The following MYO6 variants were observed in gnomAD, a reference collection of about 807,000 sequenced individuals.
MYO6 encodes unconventional myosin-VI.
A neutral mutation model predicts 178.7 loss-of-function variants in MYO6; 74 were observed. The observed-to-expected ratio is 0.41, with a 90% CI of 0.34 to 0.50. The LOEUF (loss-of-function observed/expected upper bound fraction) is 0.50. Among genes scored for constraint, MYO6 ranks in the 20% least tolerant of loss-of-function variants. The pLI is 0.09. For missense variants in MYO6, 1,330 were observed against 1,547.4 expected (o/e 0.86, Z 2.36); for synonymous variants, 477 against 504.6 (o/e 0.95, Z 0.73).
intron 7 of MYO6, among the ~76,000 whole-genome samples, chr6:75,840,355 G>A (rs1583241622): frequency 6.6e-6 from 1 of 151,850 alleles, no homozygotes; most frequent in South Asian, 2.1e-4. Flanking sequence ...TAGAGACGGG[G>A]TTTCATCATC....
At chr6:75,905,412 TCTC>T (rs1397855230) in intron 30 of MYO6, among the ~76,000 whole-genome samples, 1 of 152,128 alleles carries the variant, frequency 6.6e-6, no homozygotes, top group Non-Finnish European at 1.5e-5. Context: ...CGGGATATAA[TCTC>T]CTGGTGCGCC....
At chr6:75,796,848 GT>G (rs1768887172) in intron 1 of MYO6, among the ~76,000 whole-genome samples, 1 of 152,036 alleles carries the variant, frequency 6.6e-6, no homozygotes, top group African/African-American at 2.4e-5. Context: ...TTGGTTTTCT[GT>G]TCCTGTGTTA....
intron 1 of MYO6, among the ~76,000 whole-genome samples, chr6:75,801,970 T>C (rs2150119864): frequency 6.6e-6 from 1 of 152,206 alleles, no homozygotes; most frequent in East Asian, 1.9e-4. Flanking sequence ...TCTCATCTTA[T>C]AGAATATCTG....
intron 11 of MYO6, among the ~76,000 whole-genome samples, chr6:75,852,278 A>T (rs1386814856): frequency 1.1e-4 from 16 of 152,222 alleles, no homozygotes; most frequent in Non-Finnish European, 2.9e-5. Flanking sequence ...AGTAATAAGC[A>T]CATTTTCATA....
intron 2 of MYO6, among the ~76,000 whole-genome samples, chr6:75,821,912 G>A (rs1021117591): frequency 2.0e-5 from 3 of 152,044 alleles, no homozygotes; most frequent in Non-Finnish European, 4.4e-5. Context: ...ATAAATATAA[G>A]TATTCATGGA....
In MYO6 at chr6:75,908,406, A is replaced by T. The variant is rs1178840987; in HGVS notation, c.3281-90A>T. 3.1e-6 allele frequency: 4 copies of T among 1,280,932 alleles called. No homozygotes were observed. The Admixed American group carries it at 8.5e-5, about 27-fold the overall frequency. 79.3% of individuals were successfully genotyped at this position (1,280,932 alleles called of 1,614,324 possible). On this transcript the variant is annotated intron_variant, in intron 31 of 34. Transcript: ENST00000369977. ...GTACCATTAATTTAAAAATAAAAAA[A>T]TCTCCTTATGCGACAGAATAATTAT...
intron 1 of MYO6, among the ~76,000 whole-genome samples, chr6:75,796,727 C>T (rs551226916): frequency 1.3e-4 from 20 of 151,862 alleles, no homozygotes; most frequent in Admixed American, 3.9e-4. Flanking sequence ...CTTGGCCTCT[C>T]AGAGTGCTGG....
chr6:75,886,074 C>G lies in MYO6; in HGVS notation c.2487C>G (p.Cys829Trp). 1 of 1,610,238 alleles carries G rather than the reference C, an allele frequency of 6.2e-7. No individual in the cohort carries two copies. Among genetic ancestry groups the G allele is most frequent in the Non-Finnish European group, 8.5e-7 (1 of 1,176,988 alleles). Residue 829 changes from cysteine to tryptophan, a missense_variant, in exon 24 of 35, where the codon TGC becomes TGG. Transcript: ENST00000369977. ...AAAAAACTATTCGAATGTGGCTTTG[C>G]AAGAGGAGACACAAACCTCGGTAAG... Reference protein sequence around the residue: ...KMQKTIRMWLCKRRHKPRIDG... With the variant: ...KMQKTIRMWLWKRRHKPRIDG...
At chr6:75,769,116 T>C (rs1488997508) in intron 1 of MYO6, among the ~76,000 whole-genome samples, 4 of 152,196 alleles carry the variant, frequency 2.6e-5, no homozygotes, top group Admixed American at 2.6e-4. Flanking sequence ...GGGATCTGCC[T>C]GCATGCCTGA....
chr6:75,793,143 C>A (rs1768415819), intron 1 of MYO6, among the ~76,000 whole-genome samples: 1 of 152,032 alleles, frequency 6.6e-6, no homozygotes, highest in African/African-American at 2.4e-5. Context: ...TGGGATTAGT[C>A]CTGTTTCCCC....
intron 1 of MYO6, among the ~76,000 whole-genome samples, chr6:75,776,883 C>T (rs1562141393): frequency 6.6e-6 from 1 of 152,036 alleles, no homozygotes. Context: ...AAATGTTTTA[C>T]AATTCTATTT....
At chr6:75,907,785 T>G in intron 31 of MYO6, 77 bp downstream of exon 31, 1 of 892,862 alleles carries the variant, frequency 1.1e-6, no homozygotes, top group Non-Finnish European at 1.8e-6. Context: ...GGGTGAGGTG[T>G]GTGTGTGTAT....
At position 75,870,913 on chromosome 6, in the gene MYO6, C is replaced by T. The variant is rs565871009; in HGVS notation, c.1983+228C>T. On this transcript the variant is annotated intron_variant, in intron 19 of 34. Transcript: ENST00000369977. ...TTGACTATTTAAAAATTAAGATTAT[C>T]TTACAGTTTCAAGAAAGTGAAAATA... 2.1e-4 allele frequency among the ~76,000 whole-genome samples: 32 copies of T among 151,994 alleles called. 1 individual carries two copies. In the South Asian group the frequency reaches 6.6e-3, roughly 32 times the overall value.
intron 29 of MYO6, 144 bp from the exon 30 acceptor site, chr6:75,898,229 C>A: frequency 1.8e-6 from 1 of 551,170 alleles, no homozygotes; most frequent in Non-Finnish European, 3.0e-6. Context: ...ATAGTATATT[C>A]TAGGCATTAA....
At chr6:75,902,666 CA>C (rs1445465124) in intron 30 of MYO6, among the ~76,000 whole-genome samples, 2 of 151,820 alleles carry the variant, frequency 1.3e-5, no homozygotes, top group Non-Finnish European at 2.9e-5. Flanking sequence ...TTGATCCTTT[CA>C]AAAAACCACC....
chr6:75,890,138 C>G lies in MYO6; in HGVS notation c.2740C>G (p.Gln914Glu). 1.2e-6 allele frequency: 2 copies of G among 1,608,988 alleles called. No homozygotes were observed. Among genetic ancestry groups the G allele is most frequent in the Non-Finnish European group, 1.7e-6 (2 of 1,178,758 alleles). ...KSSEELLSALQKKKQQEEEAE... is the reference protein window; with the variant it reads ...KSSEELLSALEKKKQQEEEAE... ...CTCAGAGGAACTCCTCAGTGCATTA[C>G]AGAAAAAAAAACAGCAGGAAGAGGA... The change falls in exon 26 of 35, where the codon CAG (glutamine) becomes GAG (glutamate). Residue 914 changes from glutamine to glutamate, a missense_variant. This residue lies in a region of MYO6 where 601 missense variants were observed against 626.1 expected (regional missense o/e 0.96). Coordinates refer to ENST00000369977, the MANE Select transcript of MYO6 (RefSeq NM_004999.4).
At chr6:75,902,128 A>C (rs1434430443) in intron 30 of MYO6, among the ~76,000 whole-genome samples, 1 of 152,170 alleles carries the variant, frequency 6.6e-6, no homozygotes, top group African/African-American at 2.4e-5. Flanking sequence ...TTGGTTTGCC[A>C]GTATTTTATT....
At chr6:75,758,999 A>G (rs1777721626) in intron 1 of MYO6, among the ~76,000 whole-genome samples, 1 of 151,626 alleles carries the variant, frequency 6.6e-6, no homozygotes, top group Admixed American at 6.6e-5. Context: ...CCTCCTGAGT[A>G]GCTGGGATCA....
At chr6:75,845,013 A>T in intron 10 of MYO6, 36 bp downstream of exon 10, 1 of 1,451,408 alleles carries the variant, frequency 6.9e-7, no homozygotes, top group Non-Finnish European at 9.6e-7. Context: ...TCTTTAACTT[A>T]AAAAAAAACT....
Sources: allele counts gnomAD v4.1 joint callset (sites outside exome capture counted in the v4.1 genomes callset), GRCh38; gene constraint gnomAD v4.1.1; regional missense constraint gnomAD v4.1.1; transcripts MANE v1.5; gene names NCBI Gene and HGNC (gene_info 2026-07-23, HGNC 2026-07-21).